Variants in SLC24A2 observed in about 807,000 individuals in gnomAD.
SLC24A2 encodes solute carrier family 24 member 2.
In SLC24A2, 36 loss-of-function variants were observed where a neutral mutation model predicts 62.0. That is an observed-to-expected ratio of 0.58 (90% confidence interval 0.44 to 0.77). SLC24A2 has a LOEUF of 0.77. SLC24A2 is among the 30% of genes least tolerant of loss of function. The probability of loss-of-function intolerance (pLI) is 0.00; values close to 1 mark genes in which losing one functional copy is unlikely to be tolerated. For missense variants in SLC24A2, 846 were observed against 817.9 expected (o/e 1.03, Z -0.42); for synonymous variants, 358 against 294.0 (o/e 1.22, Z -2.23).
Position 19,599,713 on chromosome 9 carries a change from C to T in SLC24A2, c.1079-2434G>A, listed in dbSNP as rs935366154. ...AAAGAGAAATGACATGCGACTAGGA[C>T]AAAAAGCATGCATGCATAAACCAGA... is the stretch of plus-strand genomic sequence containing the variant. On this transcript the variant is annotated intron_variant, in intron 4 of 10. Coordinates refer to ENST00000341998, the MANE Select transcript of SLC24A2 (RefSeq NM_020344.4). The surrounding 1 kb of genome is among the most constrained non-coding windows in gnomAD (Gnocchi z 4.5). Among the ~76,000 whole-genome samples, 2 of 152,092 alleles carry T rather than the reference C, an allele frequency of 1.3e-5. No individual in the cohort carries two copies. The highest frequency in any genetic ancestry group is 4.8e-5 in the African/African-American group (2 of 41,400).
At chr9:19,730,883 T>A (rs1296814118) in intron 2 of SLC24A2, among the ~76,000 whole-genome samples, 1 of 152,104 alleles carries the variant, frequency 6.6e-6, no homozygotes, top group South Asian at 2.1e-4. Context: ...TCTTAGGTTT[T>A]TTTTTTTACC....
the SLC24A2 span, among the ~76,000 whole-genome samples, chr9:20,039,970 C>A: frequency 5.9e-5 from 9 of 152,206 alleles, no homozygotes; most frequent in South Asian, 4.1e-4. Flanking sequence ...CAAGTCTCAT[C>A]TTTTCCGTTT....
chr9:19,789,782 TACCCA>T (rs1042487080), upstream of SLC24A2, among the ~76,000 whole-genome samples: 66 of 152,270 alleles, frequency 4.3e-4, no homozygotes, highest in African/African-American at 1.5e-3. Context: ...GAACCCCTTT[TACCCA>T]ACCCTGTGAC....
the SLC24A2 span, among the ~76,000 whole-genome samples, chr9:19,933,490 T>C: frequency 1.6e-4 from 25 of 152,046 alleles, no homozygotes; most frequent in African/African-American, 2.9e-4. Flanking sequence ...ATTCATTCAT[T>C]CATCCATTCA....
chr9:19,526,429 A>G (rs1833450208), intron 9 of SLC24A2, among the ~76,000 whole-genome samples: 3 of 152,158 alleles, frequency 2.0e-5, no homozygotes. Flanking sequence ...CTGCCAAACT[A>G]TTTCCCAAAG....
At chr9:19,581,807 C>T (rs1836218550) in intron 5 of SLC24A2, among the ~76,000 whole-genome samples, 1 of 152,092 alleles carries the variant, frequency 6.6e-6, no homozygotes, top group Admixed American at 6.6e-5. Context: ...TAACATTGAG[C>T]CTGCCAAAAA....
the SLC24A2 span, among the ~76,000 whole-genome samples, chr9:19,838,778 A>C: frequency 1.6e-3 from 238 of 152,040 alleles, no homozygotes; most frequent in African/African-American, 5.0e-3. Flanking sequence ...TAAAAAAAAA[A>C]AAAAAACCCT....
At chr9:19,835,667 C>G in the SLC24A2 span, among the ~76,000 whole-genome samples, 1 of 152,106 alleles carries the variant, frequency 6.6e-6, no homozygotes, top group Non-Finnish European at 1.5e-5. Flanking sequence ...GACAGATCAA[C>G]GAGACAGAAA....
chr9:19,867,894 C>T, the SLC24A2 span, among the ~76,000 whole-genome samples: 2 of 151,838 alleles, frequency 1.3e-5, no homozygotes, highest in African/African-American at 4.8e-5. Flanking sequence ...GGCAACAGAG[C>T]GAGACTCTGT....
the SLC24A2 span, among the ~76,000 whole-genome samples, chr9:19,994,672 C>A: frequency 6.6e-6 from 1 of 152,132 alleles, no homozygotes; most frequent in Non-Finnish European, 1.5e-5. Context: ...TCCCAAGGAC[C>A]TCTGAGGGCC....
At chr9:19,652,911 C>T (rs559526177) in intron 2 of SLC24A2, among the ~76,000 whole-genome samples, 6 of 151,410 alleles carry the variant, frequency 4.0e-5, no homozygotes, top group East Asian at 1.9e-4. Context: ...GTGAGCAGAA[C>T]GATGAGACAA....
Position 19,632,630 on chromosome 9 carries a change from T to A in SLC24A2, c.931-10331A>T, listed in dbSNP as rs1223217506. 7.9e-5 allele frequency among the ~76,000 whole-genome samples: 12 copies of A among 152,238 alleles called. No homozygotes were observed. The highest frequency in any genetic ancestry group is 4.6e-4 in the Admixed American group (7 of 15,282). ...GGCAGGTATTATTAGGAAACATTTT[T>A]AATAACTTCTTATTTGGAAATAATT... On this transcript the variant is annotated intron_variant, in intron 2 of 10. Coordinates refer to ENST00000341998, the MANE Select transcript of SLC24A2 (RefSeq NM_020344.4). The surrounding 1 kb of genome is among the most constrained non-coding windows in gnomAD (Gnocchi z 4.5).
At chr9:20,044,875 G>C in the SLC24A2 span, among the ~76,000 whole-genome samples, 1 of 151,988 alleles carries the variant, frequency 6.6e-6, no homozygotes, top group Admixed American at 6.6e-5. Flanking sequence ...GTTGTTTTTA[G>C]AGTGACTCAG....
chr9:20,063,500 G>A, the SLC24A2 span, among the ~76,000 whole-genome samples: 2 of 116,114 alleles, frequency 1.7e-5, no homozygotes, highest in East Asian at 3.1e-4. Flanking sequence ...TGTGGGGTGG[G>A]GGGAGGGGGG....
chr9:20,041,458 A>T, the SLC24A2 span, among the ~76,000 whole-genome samples: 1 of 152,256 alleles, frequency 6.6e-6, no homozygotes, highest in Non-Finnish European at 1.5e-5. Flanking sequence ...AAGCATGTGC[A>T]TGCCCAGCCA....
the SLC24A2 span, among the ~76,000 whole-genome samples, chr9:20,108,208 G>C: frequency 1.3e-5 from 2 of 152,126 alleles, no homozygotes; most frequent in Admixed American, 6.5e-5. Context: ...ACAGGTACTG[G>C]AGAGGATATG....
chr9:20,010,324 A>C, the SLC24A2 span, among the ~76,000 whole-genome samples: 1 of 152,318 alleles, frequency 6.6e-6, no homozygotes, highest in South Asian at 2.1e-4. Flanking sequence ...GATCAGTGTA[A>C]GAATACAAAC....
the SLC24A2 span, among the ~76,000 whole-genome samples, chr9:19,820,080 T>G: frequency 1.5e-5 from 2 of 135,438 alleles, no homozygotes; most frequent in African/African-American, 5.5e-5. Flanking sequence ...TATATATATA[T>G]ATACAATGGA....
At chr9:20,249,228 T>C in the SLC24A2 span, among the ~76,000 whole-genome samples, 3 of 152,196 alleles carry the variant, frequency 2.0e-5, no homozygotes, top group Non-Finnish European at 2.9e-5. Flanking sequence ...TATTGACCTT[T>C]AGTACAATGC....
Sources: gnomAD v4.1 joint callset for allele counts (sites outside exome capture counted in the v4.1 genomes callset) on GRCh38, gnomAD v4.1.1 for gene constraint, Gnocchi (gnomAD v3.1) non-coding constraint, MANE v1.5 for transcripts, NCBI Gene and HGNC (gene_info 2026-07-23, HGNC 2026-07-21) for gene names.